Variants in NYAP2 observed in about 807,000 individuals in gnomAD.
NYAP2 encodes neuronal tyrosine-phosphorylated phosphoinositide-3-kinase adaptor 2, also known as neuronal tyrosine-phosphorylated phosphoinositide-3-kinase adapter 2.
NYAP2 carries 23 observed loss-of-function variants against 50.4 expected under a neutral mutation model. That is an observed-to-expected ratio of 0.46 (90% CI 0.33 to 0.65). The LOEUF (loss-of-function observed/expected upper bound fraction) is 0.65. Ranked by LOEUF, NYAP2 falls within the 30% of genes least tolerant of loss-of-function variation. The pLI, the probability that NYAP2 is intolerant of heterozygous loss-of-function variation, is 0.02. For synonymous variants in NYAP2, 394 were observed against 365.2 expected (o/e 1.08, Z -0.90); for missense variants, 885 against 861.0 (o/e 1.03, Z -0.35).
At chr2:225,529,922 T>C (rs1047605777) in intron 4 of NYAP2, among the ~76,000 whole-genome samples, 102 of 151,638 alleles carry the variant, frequency 6.7e-4, no homozygotes, top group African/African-American at 2.1e-3. Flanking sequence ...TTGGCCAGGA[T>C]GGTCTCGATC....
chr2:225,538,792 T>TTTCTTTTCTTTTCTA (rs1691400262), intron 4 of NYAP2, among the ~76,000 whole-genome samples: 1 of 33,760 alleles, frequency 3.0e-5, no homozygotes, highest in Non-Finnish European at 5.2e-5. Context: ...CTTTCTTTCT[T>TTTCTTTTCTTTTCTA]TCTTTCTTTC....
At chr2:225,482,264 G>C (rs1265615586) in intron 3 of NYAP2, among the ~76,000 whole-genome samples, 1 of 151,922 alleles carries the variant, frequency 6.6e-6, no homozygotes, top group South Asian at 2.1e-4. Context: ...TAAAAATGTG[G>C]GGCCATTTTG....
intron 4 of NYAP2, among the ~76,000 whole-genome samples, chr2:225,535,361 T>G (rs1203405455): frequency 6.6e-6 from 1 of 152,210 alleles, no homozygotes. Context: ...AATCAATTGA[T>G]AGTTCCCAAA....
intron 5 of NYAP2, among the ~76,000 whole-genome samples, chr2:225,610,481 C>G (rs115088830): frequency 1.8e-3 from 276 of 152,232 alleles, no homozygotes; most frequent in African/African-American, 6.2e-3. Flanking sequence ...AGGACTTTAA[C>G]ATGTGAATTT....
At chr2:225,580,962 GA>G (rs1282928224) in intron 4 of NYAP2, among the ~76,000 whole-genome samples, 1 of 152,178 alleles carries the variant, frequency 6.6e-6, no homozygotes, top group African/African-American at 2.4e-5. Context: ...TCAACACAAT[GA>G]GATAATGAGA....
intron 4 of NYAP2, among the ~76,000 whole-genome samples, chr2:225,553,022 G>T (rs981248037): frequency 6.6e-6 from 1 of 152,146 alleles, no homozygotes. Flanking sequence ...CAAGGCTATG[G>T]TACTTTGTTA....
intron 3 of NYAP2, among the ~76,000 whole-genome samples, chr2:225,454,809 G>A (rs769233278): frequency 3.3e-5 from 5 of 152,050 alleles, no homozygotes; most frequent in Non-Finnish European, 7.4e-5. Context: ...TGTCTTCCGC[G>A]AAACCAGTCC....
At chr2:225,642,133 G>A (rs1693544530) in intron 6 of NYAP2, among the ~76,000 whole-genome samples, 1 of 152,108 alleles carries the variant, frequency 6.6e-6, no homozygotes, top group South Asian at 2.1e-4. Context: ...AAGTGTACCA[G>A]GCAGAGTGAA....
At position 225,399,850 on chromosome 2, in the gene NYAP2, A is replaced by G. The variant is rs1345217669; in HGVS notation, c.-906A>G. On this transcript the variant is annotated 5_prime_UTR_variant, in exon 1 of 7. It adds an upstream start codon to the 5' untranslated region. Coordinates refer to ENST00000636099, the Ensembl canonical transcript of NYAP2. ...GCCACGCCAGGGGTGAAATGCTTAT[A>G]ACTTAACCATTCTCTGTAGTAAGAA... The G allele has an allele frequency of 6.6e-6, 1 of 152,090 alleles. No homozygotes were observed. The highest frequency in any genetic ancestry group is 1.5e-5 in the Non-Finnish European group (1 of 67,988). The allele number at this position is 152,090 out of a possible 1,614,324, so 9.4% of individuals were successfully genotyped here.
At chr2:225,419,334 G>A (rs983946911) in intron 3 of NYAP2, among the ~76,000 whole-genome samples, 1 of 152,210 alleles carries the variant, frequency 6.6e-6, no homozygotes, top group Non-Finnish European at 1.5e-5. Flanking sequence ...TGCAATGATG[G>A]AGACATAGAT....
At chr2:225,585,261 G>A (rs2106231958) in intron 5 of NYAP2, among the ~76,000 whole-genome samples, 1 of 152,236 alleles carries the variant, frequency 6.6e-6, no homozygotes, top group Non-Finnish European at 1.5e-5. Flanking sequence ...GAAATTAATG[G>A]AAGTTTCATC....
chr2:225,493,017 C>T (rs1383336929), intron 3 of NYAP2, among the ~76,000 whole-genome samples: 2 of 151,070 alleles, frequency 1.3e-5, no homozygotes, highest in Admixed American at 6.6e-5. Context: ...GACAGGGTCT[C>T]ACTGTGTCAC....
intron 6 of NYAP2, among the ~76,000 whole-genome samples, chr2:225,629,745 C>A (rs1340229746): frequency 6.6e-6 from 1 of 152,138 alleles, no homozygotes; most frequent in Admixed American, 6.5e-5. Flanking sequence ...TGAGAACCCA[C>A]TCTCTCAAGA....
intron 5 of NYAP2, among the ~76,000 whole-genome samples, chr2:225,620,896 A>C (rs1693088001): frequency 6.6e-6 from 1 of 152,138 alleles, no homozygotes; most frequent in Non-Finnish European, 1.5e-5. Flanking sequence ...TGGGTGGATC[A>C]CGAGGGCGGG....
At chr2:225,557,595 C>A (rs1006728186) in intron 4 of NYAP2, among the ~76,000 whole-genome samples, 8 of 151,958 alleles carry the variant, frequency 5.3e-5, no homozygotes, top group Non-Finnish European at 1.0e-4. Flanking sequence ...GAGGAAGGAG[C>A]AACATTAAAT....
the NYAP2 span, among the ~76,000 whole-genome samples, chr2:225,688,876 G>A: frequency 9.9e-5 from 15 of 152,138 alleles, no homozygotes; most frequent in African/African-American, 2.6e-4. Context: ...CCGAGTAGCC[G>A]GGATTACAGG....
intron 3 of NYAP2, among the ~76,000 whole-genome samples, chr2:225,467,537 C>T (rs561153383): frequency 2.0e-5 from 3 of 152,254 alleles, no homozygotes; most frequent in East Asian, 3.9e-4. Context: ...TCTACTTGGC[C>T]TTGCCCTTTT....
intron 6 of NYAP2, among the ~76,000 whole-genome samples, chr2:225,649,616 C>T (rs192092325): frequency 6.3e-4 from 96 of 152,296 alleles, no homozygotes; most frequent in Non-Finnish European, 1.0e-3. Context: ...GTGATCCACC[C>T]GCATCAGCCC....
chr2:225,697,656 A>C, the NYAP2 span, among the ~76,000 whole-genome samples: 1 of 151,986 alleles, frequency 6.6e-6, no homozygotes, highest in African/African-American at 2.4e-5. Context: ...ATATGGGCAC[A>C]AATAAGACAA....
Sources: gnomAD v4.1 joint callset for allele counts (sites outside exome capture counted in the v4.1 genomes callset) on GRCh38, gnomAD v4.1.1 for gene constraint, MANE v1.5 for transcripts, NCBI Gene and HGNC (gene_info 2026-07-23, HGNC 2026-07-21) for gene names.